The following SOX5 variants were observed in gnomAD, a reference collection of about 807,000 sequenced individuals.
SOX5 encodes the protein transcription factor SOX-5.
Under a neutral mutation model 92.0 loss-of-function variants are expected in SOX5, and 9 were observed. The observed-to-expected ratio is 0.10, with a 90% CI of 0.06 to 0.17. The LOEUF (loss-of-function observed/expected upper bound fraction) is 0.17, where lower values mean the gene tolerates loss of function less well. Among genes scored for constraint, SOX5 ranks in the 10% least tolerant of loss-of-function variants. The probability of loss-of-function intolerance (pLI) is 1.00; values close to 1 mark genes in which losing one functional copy is unlikely to be tolerated. For missense variants in SOX5, 642 were observed against 944.5 expected (o/e 0.68, Z 4.20); for synonymous variants, 344 against 336.3 (o/e 1.02, Z -0.25).
chr12:24,132,145 A>T (rs1051674957), intron 4 of SOX5, among the ~76,000 whole-genome samples: 50 of 152,178 alleles, frequency 3.3e-4, no homozygotes, highest in Non-Finnish European at 6.5e-4. Context: ...AAACGTGTAG[A>T]TCATACATGT....
chr12:24,524,431 C>G (rs1199257001), intron 1 of SOX5, among the ~76,000 whole-genome samples: 1 of 151,910 alleles, frequency 6.6e-6, no homozygotes, highest in Non-Finnish European at 1.5e-5. Context: ...GCTTCTGTCT[C>G]TCTGGAGAAC....
At chr12:24,289,788 A>G (rs1201684246) in intron 2 of SOX5, among the ~76,000 whole-genome samples, 2 of 152,174 alleles carry the variant, frequency 1.3e-5, no homozygotes, top group Non-Finnish European at 2.9e-5. Flanking sequence ...TAGAAGATAG[A>G]GCTATTATCT....
chr12:24,012,398 A>G (rs1953046540), intron 4 of SOX5, among the ~76,000 whole-genome samples: 1 of 152,174 alleles, frequency 6.6e-6, no homozygotes, highest in Non-Finnish European at 1.5e-5. Context: ...TGGAAATTTC[A>G]TATGACACGG....
chr12:24,092,877 T>C (rs770427172), intron 4 of SOX5, among the ~76,000 whole-genome samples: 7 of 152,198 alleles, frequency 4.6e-5, no homozygotes, highest in Non-Finnish European at 1.0e-4. Flanking sequence ...TGCTTGTGCA[T>C]TGGAACTTGT....
At chr12:24,365,274 T>C (rs1172651017) in intron 2 of SOX5, among the ~76,000 whole-genome samples, 1 of 152,112 alleles carries the variant, frequency 6.6e-6, no homozygotes, top group African/African-American at 2.4e-5. Context: ...GAAAAACTGT[T>C]ATGCTCAAGT....
intron 2 of SOX5, among the ~76,000 whole-genome samples, chr12:24,313,009 T>C (rs1440785409): frequency 1.3e-5 from 2 of 152,188 alleles, no homozygotes; most frequent in Non-Finnish European, 2.9e-5. Flanking sequence ...CTTTTTTCTT[T>C]TAAATAACCT....
chr12:24,483,987 T>A (rs192399560), intron 1 of SOX5, among the ~76,000 whole-genome samples: 41 of 152,310 alleles, frequency 2.7e-4, no homozygotes, highest in African/African-American at 8.9e-4. Flanking sequence ...TATTGTCCAT[T>A]ACATTCCAAG....
chr12:23,643,212 G>A (rs147558291), intron 7 of SOX5, among the ~76,000 whole-genome samples: 3,787 of 152,070 alleles, frequency 0.025, 94 homozygotes, highest in Middle Eastern at 0.054. Flanking sequence ...TGACTGTTAC[G>A]TATGAGAGTA....
chr12:24,438,891 A>C (rs1259546946), intron 1 of SOX5, among the ~76,000 whole-genome samples: 2 of 152,250 alleles, frequency 1.3e-5, no homozygotes, highest in African/African-American at 4.8e-5. Context: ...GATTTAGAAT[A>C]ACTTAGTTGA....
At chr12:24,063,648 C>T (rs1940147137) in intron 4 of SOX5, among the ~76,000 whole-genome samples, 1 of 152,200 alleles carries the variant, frequency 6.6e-6, no homozygotes. Context: ...TGGCATATTA[C>T]AACCTTTACA....
chr12:23,986,094 C>A (rs779106457), intron 4 of SOX5, among the ~76,000 whole-genome samples: 32 of 152,142 alleles, frequency 2.1e-4, no homozygotes, highest in Non-Finnish European at 4.1e-4. Context: ...TCATCTACAA[C>A]TTTATTTCTC....
intron 4 of SOX5, among the ~76,000 whole-genome samples, chr12:24,051,167 C>T (rs747889752): frequency 6.6e-6 from 1 of 152,126 alleles, no homozygotes; most frequent in Non-Finnish European, 1.5e-5. Flanking sequence ...TCACCCTCAA[C>T]CAAATTCAAG....
chr12:24,276,052 T>C (rs1944396311), intron 3 of SOX5, among the ~76,000 whole-genome samples: 1 of 152,154 alleles, frequency 6.6e-6, no homozygotes, highest in South Asian at 2.1e-4. Context: ...ATGTTTGCCA[T>C]ATTTATTAGA....
At chr12:24,119,948 A>G (rs1205637071) in intron 4 of SOX5, among the ~76,000 whole-genome samples, 1 of 152,198 alleles carries the variant, frequency 6.6e-6, no homozygotes, top group Non-Finnish European at 1.5e-5. Flanking sequence ...TGTTTGGCTC[A>G]TGCACTCATT....
chr12:24,482,558 C>A (rs180735303), intron 1 of SOX5, among the ~76,000 whole-genome samples: 1 of 152,248 alleles, frequency 6.6e-6, no homozygotes, highest in Admixed American at 6.5e-5. Context: ...AATGTTTACA[C>A]CTTTTTATTG....
chr12:23,715,255 T>A (rs1451825899), intron 6 of SOX5, among the ~76,000 whole-genome samples: 1 of 148,928 alleles, frequency 6.7e-6, no homozygotes, highest in Non-Finnish European at 1.5e-5. Context: ...GCCGAGATAG[T>A]GCCACTGCAG....
chr12:24,173,266 C>T (rs1467421615), intron 4 of SOX5, among the ~76,000 whole-genome samples: 5 of 152,250 alleles, frequency 3.3e-5, no homozygotes, highest in African/African-American at 9.6e-5. Context: ...AAGATGGTTT[C>T]GAGCCATTGC....
chr12:24,450,795 T>A (rs1270972062), intron 1 of SOX5, among the ~76,000 whole-genome samples: 2 of 152,202 alleles, frequency 1.3e-5, no homozygotes, highest in Admixed American at 1.3e-4. Context: ...CCCAGCCAAG[T>A]ATTTATCCTT....
At chr12:23,641,789 T>C (rs1223870653) in intron 7 of SOX5, among the ~76,000 whole-genome samples, 1 of 152,192 alleles carries the variant, frequency 6.6e-6, no homozygotes, top group Non-Finnish European at 1.5e-5. Context: ...AGCAAATAAC[T>C]AAAAATAATA....
Sources: allele counts gnomAD v4.1 joint callset (sites outside exome capture counted in the v4.1 genomes callset), GRCh38; gene constraint gnomAD v4.1.1; transcripts MANE v1.5; gene names NCBI Gene and HGNC (gene_info 2026-07-23, HGNC 2026-07-21).